The following GRIA3 variants were observed in gnomAD, a reference collection of about 807,000 sequenced individuals.
The protein encoded by GRIA3 is glutamate receptor 3.
In GRIA3, 3 loss-of-function variants were observed where a neutral mutation model predicts 63.0. The observed-to-expected ratio is 0.05, with a 90% CI of 0.02 to 0.12. The LOEUF (loss-of-function observed/expected upper bound fraction) is 0.12, where lower values mean the gene tolerates loss of function less well. Ranked by LOEUF, GRIA3 falls within the 10% of genes least tolerant of loss-of-function variation. GRIA3 has a pLI of 1.00. For missense variants in GRIA3, 347 were observed against 700.9 expected (o/e 0.50, Z 5.70); for synonymous variants, 274 against 257.9 (o/e 1.06, Z -0.60).
rs935528908 is a variant in GRIA3 at position 123,490,019 on chromosome X, G to A, written c.*1309G>A. The A allele has an allele frequency of 8.9e-6, 1 of 112,408 alleles. No individual in the cohort carries two copies. Among genetic ancestry groups the A allele is most frequent in the Non-Finnish European group, 1.9e-5 (1 of 53,272 alleles). The allele number at this position is 112,408 out of a possible 1,213,427, so 9.3% of individuals were successfully genotyped here. ...GCTCCACTGCTCCATGGGCTATCAA[G>A]TAACTAACTGCATACCTGCCGTTGG... On this transcript the variant is annotated 3_prime_UTR_variant, in exon 16 of 16. Transcript: ENST00000620443.
At chrX:123,262,099 T>G (rs1047201575) in intron 3 of GRIA3, among the ~76,000 whole-genome samples, 3 of 111,858 alleles carry the variant, frequency 2.7e-5, no homozygotes, top group Non-Finnish European at 5.6e-5. Flanking sequence ...GGGGCAGGGA[T>G]GGACAGCGGT....
intron 1 of GRIA3, 87 bp from the exon 2 acceptor site, chrX:123,185,745 G>T: frequency 7.1e-6 from 5 of 704,634 alleles, no homozygotes; most frequent in Admixed American, 6.9e-5. Flanking sequence ...TCATTGAGAG[G>T]TATCCGGTAT....
intron 15 of GRIA3, among the ~76,000 whole-genome samples, chrX:123,483,503 T>G: frequency 8.9e-6 from 1 of 112,335 alleles, no homozygotes; most frequent in East Asian, 2.8e-4. Context: ...ATCTTGCAAA[T>G]CTGGGGTATA....
At chrX:123,373,298 C>T in intron 5 of GRIA3, among the ~76,000 whole-genome samples, 1 of 111,603 alleles carries the variant, frequency 9.0e-6, no homozygotes, top group Non-Finnish European at 1.9e-5. Context: ...CAAGTCTTTG[C>T]TACTGTGAAT....
At chrX:123,441,136 C>CA (rs1291740133) in intron 12 of GRIA3, among the ~76,000 whole-genome samples, 3 of 111,231 alleles carry the variant, frequency 2.7e-5, no homozygotes, top group Non-Finnish European at 1.9e-5. Context: ...GAAAAGAATT[C>CA]AAAAATAGTT....
At position 123,482,978 on chromosome X, in the gene GRIA3, C is replaced by T. The variant is rs771170173; in HGVS notation, c.2619C>T (p.Asn873=). The change falls in exon 15 of 16, where the codon AAC becomes AAT. Residue 873 remains asparagine, a synonymous_variant. Coordinates refer to ENST00000620443, the MANE Select transcript of GRIA3 (RefSeq NM_007325.5). ...TQNFKPAPAT[N]TQNYATYREG... Reference sequence around the variant, plus strand: ...ACTTTAAGCCTGCTCCTGCCACCAACACTCAGAATTATGCTACATACAGAG... The same window carrying T: ...ACTTTAAGCCTGCTCCTGCCACCAATACTCAGAATTATGCTACATACAGAG... 1.5e-5 allele frequency: 18 copies of T among 1,202,818 alleles called. No individual in the cohort carries two copies. Among genetic ancestry groups the T allele is most frequent in the African/African-American group, 1.4e-4 (8 of 56,889 alleles).
At chrX:123,474,735 GAAA>G (rs1307489091) in intron 13 of GRIA3, among the ~76,000 whole-genome samples, 1 of 109,247 alleles carries the variant, frequency 9.2e-6, no homozygotes, top group South Asian at 4.0e-4. Flanking sequence ...TACTTTCACA[GAAA>G]AAAAAATCAA....
Position 123,463,700 on chromosome X carries a change from A to AAGAGAGAG in GRIA3, c.2077-1164_2077-1163insGAGAGAGA, listed in dbSNP as rs1569440915. On this transcript the variant is annotated intron_variant, in intron 12 of 15. Transcript: ENST00000620443. ...AGAAAGAAAGAGAGAGAAAGAAAGA[A>AAGAGAGAG]AAAGAAAGAAAGAAAGAAAGAAAGA... Among the ~76,000 whole-genome samples, 25 of 71,099 alleles carry AAGAGAGAG rather than the reference A, an allele frequency of 3.5e-4. 1 individual carries two copies. Among genetic ancestry groups the AAGAGAGAG allele is most frequent in the Non-Finnish European group, 5.9e-4 (24 of 40,605 alleles). 61.7% of individuals were successfully genotyped at this position (71,099 alleles called of 115,157 possible). A position where few individuals can be genotyped will look rare whatever the true frequency, so the allele number is the denominator to read the frequency against.
intron 5 of GRIA3, among the ~76,000 whole-genome samples, chrX:123,355,744 A>T (rs2045128453): frequency 8.9e-6 from 1 of 111,982 alleles, no homozygotes; most frequent in African/African-American, 3.2e-5. Context: ...GCACAAGAAA[A>T]TCATGATCAT....
intron 5 of GRIA3, among the ~76,000 whole-genome samples, chrX:123,370,098 C>G (rs2045238042): frequency 9.0e-6 from 1 of 111,653 alleles, no homozygotes; most frequent in Non-Finnish European, 1.9e-5. Context: ...AAGTGGTCAG[C>G]TAAAGAAGTG....
chrX:123,426,143 G>A (rs1307939932), intron 11 of GRIA3, among the ~76,000 whole-genome samples: 1 of 111,313 alleles, frequency 9.0e-6, no homozygotes, highest in African/African-American at 3.3e-5. Context: ...GAGTTTTTCT[G>A]GGCATGGGAG....
rs141147355 is a variant in GRIA3, at chrX:123,199,544, G to A, written c.268+13554G>A. On this transcript the variant is annotated intron_variant, in intron 2 of 15. Transcript: ENST00000620443. ...AGAGATGCTCAGTGACTAGCCCAAG[G>A]TCACACAGCTAATTGATAACTGAGC... Among the ~76,000 whole-genome samples, 868 of 111,000 alleles carry A rather than the reference G, an allele frequency of 7.8e-3. 22 individuals carry two copies. Among genetic ancestry groups the A allele is most frequent in the Admixed American group, 0.068 (712 of 10,413 alleles).
intron 2 of GRIA3, among the ~76,000 whole-genome samples, chrX:123,214,190 G>A (rs1441822575): frequency 3.6e-5 from 4 of 112,246 alleles, no homozygotes; most frequent in Non-Finnish European, 5.6e-5. Context: ...ACACAGATAA[G>A]CTGAATTTAT....
intron 2 of GRIA3, among the ~76,000 whole-genome samples, chrX:123,236,532 T>A (rs1449080379): frequency 1.9e-5 from 2 of 103,511 alleles, no homozygotes; most frequent in African/African-American, 7.1e-5. Flanking sequence ...AGAAGGCATC[T>A]TCTATATGAA....
chrX:123,439,344 T>C (rs927863262), intron 12 of GRIA3, among the ~76,000 whole-genome samples: 8 of 111,888 alleles, frequency 7.2e-5, no homozygotes, highest in African/African-American at 2.6e-4. Flanking sequence ...AATCTATCTA[T>C]AAGCTGCCCT....
intron 5 of GRIA3, chrX:123,358,881 A>G (rs1246619706): frequency 9.0e-6 from 1 of 111,633 alleles, no homozygotes; most frequent in African/African-American, 3.3e-5. Flanking sequence ...CACCTATGTC[A>G]GTAATGATAG....
Position 123,254,459 on chromosome X carries a change from C to T in GRIA3, c.508+917C>T, listed in dbSNP as rs970093801. On this transcript the variant is annotated intron_variant, in intron 3 of 15. Transcript: ENST00000620443. ...TCCAGAAGACAATGTTACTTTATCA[C>T]TCATTTGCCTGTGGTTCCATTTATA... Among the ~76,000 whole-genome samples the T allele has an allele frequency of 3.6e-5, 4 of 111,368 alleles. No homozygotes were observed. In the East Asian group the frequency reaches 1.1e-3, roughly 32 times the overall value.
At chrX:123,243,298 A>C (rs1212718312) in intron 2 of GRIA3, among the ~76,000 whole-genome samples, 1 of 112,296 alleles carries the variant, frequency 8.9e-6, no homozygotes, top group African/African-American at 3.2e-5. Context: ...AATTATTCTA[A>C]TATTTCCTCC....
intron 2 of GRIA3, among the ~76,000 whole-genome samples, chrX:123,210,258 C>G (rs1193127591): frequency 1.9e-5 from 2 of 107,778 alleles, no homozygotes; most frequent in African/African-American, 6.8e-5. Context: ...ATTTCCTATC[C>G]CACATTCTGT....
Sources: allele counts gnomAD v4.1 joint callset (sites outside exome capture counted in the v4.1 genomes callset), GRCh38; gene constraint gnomAD v4.1.1; transcripts MANE v1.5; gene names NCBI Gene and HGNC (gene_info 2026-07-23, HGNC 2026-07-21).